Variants in RASD2 observed in about 807,000 individuals in gnomAD.
The protein encoded by RASD2 is RASD family member 2.
A neutral mutation model predicts 15.8 loss-of-function variants in RASD2; 7 were observed. The observed-to-expected ratio is 0.44, with a 90% CI of 0.25 to 0.83. The LOEUF (loss-of-function observed/expected upper bound fraction) is 0.83. Ranked by LOEUF, RASD2 falls within the 40% of genes least tolerant of loss-of-function variation. The probability of loss-of-function intolerance (pLI) is 0.20; values close to 1 mark genes in which losing one functional copy is unlikely to be tolerated. For missense variants in RASD2, 274 were observed against 382.8 expected, an observed-to-expected ratio of 0.72 and a Z score of 2.37; for synonymous variants, 155 against 153.6, an observed-to-expected ratio of 1.01 and a Z score of -0.07.
At chr22:35,547,708 G>A (rs1465166183) in intron 2 of RASD2, among the ~76,000 whole-genome samples, 3 of 152,102 alleles carry the variant, frequency 2.0e-5, no homozygotes, top group South Asian at 2.1e-4. Context: ...TCTGCCTCCC[G>A]GGTTCAAGCG....
upstream of RASD2, among the ~76,000 whole-genome samples, chr22:35,540,504 G>T (rs939866862): frequency 6.6e-6 from 1 of 150,728 alleles, no homozygotes; most frequent in Non-Finnish European, 1.5e-5. Flanking sequence ...AGACGCTGGC[G>T]CTGGGCGGCG....
intron 1 of RASD2, among the ~76,000 whole-genome samples, chr22:35,546,258 G>A (rs1375811804): frequency 6.6e-6 from 1 of 152,114 alleles, no homozygotes; most frequent in African/African-American, 2.4e-5. Context: ...TTCTTCCCAG[G>A]AGGGCTGAAT....
intron 1 of RASD2, 89 bp from the exon 2 acceptor site, chr22:35,546,710 CTG>C: frequency 6.8e-7 from 1 of 1,466,458 alleles, no homozygotes; most frequent in South Asian, 1.4e-5. Flanking sequence ...AGACAGAAAA[CTG>C]AGTCCTAGAC....
chr22:35,533,380 C>A, the RASD2 span, among the ~76,000 whole-genome samples: 1 of 152,376 alleles, frequency 6.6e-6, no homozygotes, highest in Admixed American at 6.5e-5. Context: ...TTGGACCACA[C>A]TGGGCCCAGG....
At chr22:35,546,767 G>T (rs1319116200) in intron 1 of RASD2, 34 bp from the exon 2 acceptor site, 4 of 1,598,730 alleles carry the variant, frequency 2.5e-6, no homozygotes, top group African/African-American at 2.7e-5. Context: ...AGGTCGGGGG[G>T]GCCCTGATGC....
the RASD2 span, among the ~76,000 whole-genome samples, chr22:35,533,242 T>C: frequency 3.1e-3 from 475 of 152,292 alleles, no homozygotes; most frequent in African/African-American, 0.011. Context: ...TCCCACATAA[T>C]AGTTTGCTCT....
chr22:35,538,088 G>A (rs1011216751), upstream of RASD2, among the ~76,000 whole-genome samples: 1 of 151,872 alleles, frequency 6.6e-6, no homozygotes, highest in Non-Finnish European at 1.5e-5. Context: ...TGGAATTATA[G>A]GCGCACACCA....
chr22:35,545,628 G>T (rs560459163), intron 1 of RASD2, among the ~76,000 whole-genome samples: 5 of 152,200 alleles, frequency 3.3e-5, no homozygotes, highest in African/African-American at 9.6e-5. Flanking sequence ...CCTCTGGAGA[G>T]GGGAGGGATT....
chr22:35,548,275 G>C (rs1230317697), intron 2 of RASD2, among the ~76,000 whole-genome samples: 1 of 152,190 alleles, frequency 6.6e-6, no homozygotes, highest in Non-Finnish European at 1.5e-5. Flanking sequence ...TTATCTCCTT[G>C]TGTCTCAGCA....
chr22:35,544,236 G>A (rs1379413101), intron 1 of RASD2, among the ~76,000 whole-genome samples: 3 of 152,238 alleles, frequency 2.0e-5, no homozygotes, highest in Admixed American at 2.0e-4. Flanking sequence ...AAGGACTTGG[G>A]GAGGGGGCTG....
upstream of RASD2, among the ~76,000 whole-genome samples, chr22:35,540,096 C>T (rs1414407606): frequency 1.3e-5 from 2 of 152,188 alleles, no homozygotes; most frequent in African/African-American, 4.8e-5. Context: ...CTGGGACAGG[C>T]AGGTTGGACA....
chr22:35,547,807 G>T (rs1229870943), intron 2 of RASD2, among the ~76,000 whole-genome samples: 3 of 152,258 alleles, frequency 2.0e-5, no homozygotes, highest in African/African-American at 7.2e-5. Flanking sequence ...CTAGAGACGG[G>T]ATTTCACCAT....
At chr22:35,540,692 G>A (rs1241809505), upstream of RASD2, among the ~76,000 whole-genome samples, 2 of 152,184 alleles carry the variant, frequency 1.3e-5, no homozygotes, top group African/African-American at 4.8e-5. Context: ...GGGAAGGAGG[G>A]AGAACCCAGG....
the RASD2 span, among the ~76,000 whole-genome samples, chr22:35,534,180 T>C: frequency 1.3e-5 from 2 of 152,244 alleles, no homozygotes; most frequent in African/African-American, 4.8e-5. Flanking sequence ...TTGTGGAATA[T>C]CTCTGAGTGT....
At position 35,541,215 on chromosome 22, in the gene RASD2, G is replaced by C. The variant is rs955510128; in HGVS notation, c.-295G>C. The C allele has an allele frequency of 2.6e-5, 4 of 151,914 alleles. No homozygotes were observed. The highest frequency in any genetic ancestry group is 5.9e-5 in the Non-Finnish European group (4 of 67,930). The allele number at this position is 151,914 out of a possible 1,614,324, so 9.4% of individuals were successfully genotyped here. A position where few individuals can be genotyped will look rare whatever the true frequency, so the allele number is the denominator to read the frequency against. On this transcript the variant is annotated 5_prime_UTR_variant, in exon 1 of 3. Coordinates refer to ENST00000216127, the MANE Select transcript of RASD2 (RefSeq NM_014310.4). ...TGGCTCAGCAGGAGGCCCCCGGCTC[G>C]GGGCAGGGCAGGGCCGGCGGCGGCG...
At chr22:35,532,987 G>A in the RASD2 span, among the ~76,000 whole-genome samples, 1 of 152,176 alleles carries the variant, frequency 6.6e-6, no homozygotes, top group Non-Finnish European at 1.5e-5. Context: ...ATCAATTATT[G>A]CTGACTGACT....
At chr22:35,540,345 G>T (rs1192347954), upstream of RASD2, among the ~76,000 whole-genome samples, 3 of 150,550 alleles carry the variant, frequency 2.0e-5, no homozygotes, top group Admixed American at 6.6e-5. Context: ...GGCCCCACGC[G>T]CCCGGACACG....
Position 35,551,629 on chromosome 22 carries a change from T to C in RASD2, c.398T>C (p.Leu133Pro). 6.2e-7 allele frequency: 1 copy of C among 1,614,184 alleles called. No homozygotes were observed. Among genetic ancestry groups the C allele is most frequent in the South Asian group, 1.1e-5 (1 of 91,080 alleles). ...AACAAGACCAAGGAGGCGGCGGAGC[T>C]GCCCATGGTCATCTGTGGCAACAAG... ...LKNKTKEAAE[L>P]PMVICGNKND... Residue 133 changes from leucine (L) to proline (P), a missense_variant, in exon 3 of 3, where the codon CTG (leucine) becomes CCG (proline). Physicochemically the swap from Leu to Pro is moderately conservative, Grantham distance 98. Transcript: ENST00000216127. The surrounding 1 kb of genome is among the most constrained non-coding windows in gnomAD (Gnocchi z 4.9).
upstream of RASD2, among the ~76,000 whole-genome samples, chr22:35,539,428 G>A (rs2092195): frequency 0.44 from 67,385 of 152,010 alleles, 15,371 homozygotes; most frequent in Middle Eastern, 0.5. Flanking sequence ...CTGAGGTCCA[G>A]GGATCTGGAA....
Sources: allele counts gnomAD v4.1 joint callset (sites outside exome capture counted in the v4.1 genomes callset), GRCh38; gene constraint gnomAD v4.1.1; non-coding constraint Gnocchi (gnomAD v3.1); transcripts MANE v1.5; gene names NCBI Gene and HGNC (gene_info 2026-07-23, HGNC 2026-07-21).